The following SMOC2 variants were observed in gnomAD, a reference collection of about 807,000 sequenced individuals.
SMOC2 encodes SPARC related modular calcium binding 2.
In SMOC2, 39 loss-of-function variants were observed where a neutral mutation model predicts 61.4. The observed-to-expected ratio is 0.64, with a 90% CI of 0.49 to 0.83. The LOEUF is 0.83. SMOC2 is among the 40% of genes least tolerant of loss of function. The probability of loss-of-function intolerance (pLI) is 0.00; values close to 1 mark genes in which losing one functional copy is unlikely to be tolerated. For missense variants in SMOC2, 556 were observed against 592.9 expected, an observed-to-expected ratio of 0.94 and a Z score of 0.65; for synonymous variants, 247 against 239.9, an observed-to-expected ratio of 1.03 and a Z score of -0.27.
At chr6:168,608,863 G>A (rs1785780254) in intron 9 of SMOC2, among the ~76,000 whole-genome samples, 1 of 152,146 alleles carries the variant, frequency 6.6e-6, no homozygotes, top group African/African-American at 2.4e-5. Context: ...TCTCCAGATT[G>A]TGTATGTTTA....
chr6:168,644,764 C>T (rs1031581624), intron 9 of SMOC2, among the ~76,000 whole-genome samples: 1 of 151,550 alleles, frequency 6.6e-6, no homozygotes, highest in South Asian at 2.1e-4. Context: ...ATTCTCACAC[C>T]TCAGCCTCCC....
chr6:168,551,800 G>A (rs970161840), intron 7 of SMOC2, among the ~76,000 whole-genome samples: 3 of 152,116 alleles, frequency 2.0e-5, no homozygotes, highest in Non-Finnish European at 2.9e-5. Context: ...ACCATTTCAG[G>A]CTTCAGCAGA....
chr6:168,537,477 G>A (rs551014817), intron 4 of SMOC2, among the ~76,000 whole-genome samples: 4 of 151,688 alleles, frequency 2.6e-5, no homozygotes, highest in South Asian at 2.1e-4. Context: ...AGCAGTGTCT[G>A]TCCTAATACA....
intron 7 of SMOC2, among the ~76,000 whole-genome samples, chr6:168,570,830 T>C (rs1024244085): frequency 6.6e-5 from 10 of 152,240 alleles, no homozygotes; most frequent in African/African-American, 2.2e-4. Context: ...TTCAGGTACA[T>C]CTCTAATCCT....
chr6:168,443,438 C>T (rs2114986614), intron 1 of SMOC2, among the ~76,000 whole-genome samples: 1 of 152,324 alleles, frequency 6.6e-6, no homozygotes, highest in African/African-American at 2.4e-5. Context: ...TGATACCCCA[C>T]GTGGGCTTTG....
At chr6:168,543,586 C>T (rs1222535906) in intron 4 of SMOC2, 39 bp from the exon 5 acceptor site, 1 of 1,587,634 alleles carries the variant, frequency 6.3e-7, no homozygotes, top group Admixed American at 1.7e-5. Flanking sequence ...TTTAAGAGTC[C>T]AAAATAATTT....
intron 1 of SMOC2, among the ~76,000 whole-genome samples, chr6:168,462,683 A>G (rs1297394570): frequency 1.3e-5 from 2 of 152,122 alleles, no homozygotes; most frequent in African/African-American, 2.4e-5. Flanking sequence ...CTTTGCAGAG[A>G]TATTTAGGGA....
chr6:168,595,138 C>G (rs1379792859), intron 7 of SMOC2, among the ~76,000 whole-genome samples: 37 of 148,576 alleles, frequency 2.5e-4, no homozygotes, highest in African/African-American at 9.1e-4. Context: ...CCTAAGGCCT[C>G]ACAAGGGGCA....
chr6:168,633,284 C>A (rs1378127390), intron 9 of SMOC2, among the ~76,000 whole-genome samples: 2 of 152,204 alleles, frequency 1.3e-5, no homozygotes, highest in Non-Finnish European at 2.9e-5. Context: ...AGACATGCCC[C>A]ACCTCCCAGA....
intron 9 of SMOC2, among the ~76,000 whole-genome samples, chr6:168,619,167 A>C (rs747967223): frequency 1.4e-4 from 22 of 152,186 alleles, no homozygotes; most frequent in Non-Finnish European, 2.8e-4. Context: ...GGTTTCCTTT[A>C]GAGCCAGATT....
intron 7 of SMOC2, among the ~76,000 whole-genome samples, chr6:168,581,608 A>G (rs1784921335): frequency 6.6e-6 from 1 of 152,242 alleles, no homozygotes; most frequent in African/African-American, 2.4e-5. Flanking sequence ...AATATCAATC[A>G]TTACCTATTA....
chr6:168,575,213 G>T (rs918994543), intron 7 of SMOC2, among the ~76,000 whole-genome samples: 4 of 152,184 alleles, frequency 2.6e-5, no homozygotes, highest in Non-Finnish European at 4.4e-5. Flanking sequence ...GCTCGCTTTT[G>T]CTGCTGAACA....
rs1249490672 is a variant in SMOC2, at chr6:168,664,125, T to C, written c.1323+14T>C. The C allele has an allele frequency of 1.3e-6, 2 of 1,593,976 alleles. No individual in the cohort carries two copies. Among genetic ancestry groups the C allele is most frequent in the East Asian group, 4.5e-5 (2 of 44,788 alleles). Reference sequence around the variant, plus strand: ...TCTAATAGACAGGTAAGTATGTTTATATTTTACTCTTAACCATTTCGTTTT... The same window carrying C: ...TCTAATAGACAGGTAAGTATGTTTACATTTTACTCTTAACCATTTCGTTTT... On this transcript the variant is annotated intron_variant, in intron 12 of 12. Coordinates refer to ENST00000356284, the MANE Select transcript of SMOC2 (RefSeq NM_001166412.2).
intron 8 of SMOC2, among the ~76,000 whole-genome samples, chr6:168,599,309 A>C (rs4708758): frequency 0.27 from 27,237 of 101,402 alleles, 3,343 homozygotes; most frequent in South Asian, 0.34. Flanking sequence ...CCACACACAC[A>C]CCCCCACACT....
intron 1 of SMOC2, among the ~76,000 whole-genome samples, chr6:168,505,604 T>TG (rs1384123076): frequency 2.0e-5 from 3 of 152,250 alleles, no homozygotes; most frequent in Non-Finnish European, 4.4e-5. Flanking sequence ...AATGACTGAA[T>TG]GAAATGTCCG....
intron 7 of SMOC2, among the ~76,000 whole-genome samples, chr6:168,569,904 G>A (rs1457775401): frequency 1.3e-5 from 2 of 152,172 alleles, no homozygotes; most frequent in African/African-American, 4.8e-5. Flanking sequence ...TGCCTTTGAG[G>A]TTGTCTTTAA....
intron 8 of SMOC2, among the ~76,000 whole-genome samples, chr6:168,604,117 T>C (rs1397782813): frequency 6.6e-6 from 1 of 152,240 alleles, no homozygotes; most frequent in African/African-American, 2.4e-5. Context: ...CATTCTGTTT[T>C]CTTGGCCATT....
intron 7 of SMOC2, among the ~76,000 whole-genome samples, chr6:168,563,818 G>A (rs906085812): frequency 7.2e-5 from 11 of 152,126 alleles, no homozygotes; most frequent in African/African-American, 2.7e-4. Flanking sequence ...ACGGAGCACA[G>A]CAGCACAGGC....
At chr6:168,635,392 G>A (rs1786687757) in intron 9 of SMOC2, among the ~76,000 whole-genome samples, 1 of 152,186 alleles carries the variant, frequency 6.6e-6, no homozygotes, top group African/African-American at 2.4e-5. Flanking sequence ...CCATTCTGTG[G>A]GGGCAGCTCT....
Sources: gnomAD v4.1 joint callset for allele counts (sites outside exome capture counted in the v4.1 genomes callset) on GRCh38, gnomAD v4.1.1 for gene constraint, MANE v1.5 for transcripts, NCBI Gene and HGNC (gene_info 2026-07-23, HGNC 2026-07-21) for gene names.